The following ADAMTS12 variants were observed in gnomAD, a reference collection of about 807,000 sequenced individuals.
ADAMTS12 encodes the protein A disintegrin and metalloproteinase with thrombospondin motifs 12.
ADAMTS12 carries 118 observed loss-of-function variants against 167.8 expected under a neutral mutation model. The observed-to-expected ratio is 0.70, with a 90% CI of 0.61 to 0.82. The LOEUF (loss-of-function observed/expected upper bound fraction) is 0.82, where lower values mean the gene tolerates loss of function less well. ADAMTS12 is among the 40% of genes least tolerant of loss of function. The pLI, the probability that ADAMTS12 is intolerant of heterozygous loss-of-function variation, is 0.00. For synonymous variants in ADAMTS12, 704 were observed against 716.9 expected (o/e 0.98, Z 0.29); for missense variants, 1,916 against 1,998.8 (o/e 0.96, Z 0.79).
rs981087491 is a variant in ADAMTS12, at chr5:33,609,882, T to C, written c.2527+4356A>G. On this transcript the variant is annotated intron_variant, in intron 16 of 23. Transcript: ENST00000504830. ...AGTAGCCATCTGAAAAAATAATACA[T>C]ATAAATTGAAAAACAGGCCAGGCAT... Among the ~76,000 whole-genome samples, 13 of 152,232 alleles carry C rather than the reference T, an allele frequency of 8.5e-5. No individual in the cohort carries two copies. The South Asian group carries it at 1.5e-3, about 17-fold the overall frequency.
chr5:33,654,874 T>TTGTGTGTG (rs34219097), intron 7 of ADAMTS12, among the ~76,000 whole-genome samples: 6,407 of 141,582 alleles, frequency 0.045, 190 homozygotes, highest in Non-Finnish European at 0.057. Context: ...GTGGGTGATT[T>TTGTGTGTG]TGTGTGTGTG....
intron 2 of ADAMTS12, among the ~76,000 whole-genome samples, chr5:33,856,546 C>T (rs777363995): frequency 4.6e-5 from 7 of 151,232 alleles, no homozygotes; most frequent in Non-Finnish European, 8.8e-5. Flanking sequence ...CACTTGAGCC[C>T]AAGAGTTCAA....
intron 2 of ADAMTS12, among the ~76,000 whole-genome samples, chr5:33,758,550 G>A (rs536744739): frequency 4.6e-5 from 7 of 152,286 alleles, no homozygotes; most frequent in South Asian, 2.1e-4. Context: ...GTGGATTCGC[G>A]CAAGGGGGTA....
chr5:33,617,216 CTTT>C (rs71600917), intron 14 of ADAMTS12, among the ~76,000 whole-genome samples: 1,547 of 144,786 alleles, frequency 0.011, 18 homozygotes, highest in African/African-American at 0.034. Context: ...GTTCTTTCAA[CTTT>C]TTTTTTTTTT....
intron 5 of ADAMTS12, among the ~76,000 whole-genome samples, chr5:33,675,408 A>G (rs1741869329): frequency 6.6e-6 from 1 of 152,246 alleles, no homozygotes; most frequent in South Asian, 2.1e-4. Context: ...AAATCTCAAC[A>G]TAGGAGATTC....
At position 33,648,882 on chromosome 5, in the gene ADAMTS12, A is replaced by G. The variant is rs200288263; in HGVS notation, c.1419T>C (p.Asp473=). Residue 473 remains aspartate (D), a synonymous_variant, in exon 9 of 24, where the codon GAT becomes GAC. Coordinates refer to ENST00000504830, the MANE Select transcript of ADAMTS12 (RefSeq NM_030955.4). ...ATTGTAGCTGGCACTGGTGGTGAAC[A>G]TCATAGATCACTCCGGGGGCAATGA... ...SKVIAPGVIY[D]VHHQCQLQYG... 6.2e-6 allele frequency: 10 copies of G among 1,613,894 alleles called. No individual in the cohort carries two copies. The Admixed American group carries it at 1.2e-4, about 19-fold the overall frequency.
intron 2 of ADAMTS12, among the ~76,000 whole-genome samples, chr5:33,819,028 A>G (rs993908738): frequency 2.6e-5 from 4 of 151,974 alleles, no homozygotes; most frequent in South Asian, 2.1e-4. Context: ...TTTTCCCAGT[A>G]TGTAGGTTGC....
intron 5 of ADAMTS12, among the ~76,000 whole-genome samples, chr5:33,673,583 C>T (rs1741797414): frequency 6.6e-6 from 1 of 152,120 alleles, no homozygotes; most frequent in Non-Finnish European, 1.5e-5. Flanking sequence ...TAGCCCAAAC[C>T]TTCATTTTAT....
chr5:33,830,526 C>A (rs768493779), intron 2 of ADAMTS12, among the ~76,000 whole-genome samples: 1 of 152,144 alleles, frequency 6.6e-6, no homozygotes, highest in African/African-American at 2.4e-5. Flanking sequence ...TAGTGACTCA[C>A]GCCTGTAATC....
At chr5:33,823,166 A>G (rs1747926777) in intron 2 of ADAMTS12, among the ~76,000 whole-genome samples, 1 of 152,048 alleles carries the variant, frequency 6.6e-6, no homozygotes, top group Non-Finnish European at 1.5e-5. Context: ...TGCCCATAAT[A>G]TTGACTGCAT....
intron 2 of ADAMTS12, among the ~76,000 whole-genome samples, chr5:33,866,747 A>C (rs987077083): frequency 1.4e-4 from 22 of 152,098 alleles, no homozygotes; most frequent in Non-Finnish European, 2.2e-4. Flanking sequence ...AAAAATCAGC[A>C]AGAAAAAAAG....
intron 16 of ADAMTS12, among the ~76,000 whole-genome samples, chr5:33,604,144 A>C (rs12653881): frequency 1.3e-5 from 2 of 152,028 alleles, no homozygotes; most frequent in Non-Finnish European, 2.9e-5. Flanking sequence ...ATATAAAACA[A>C]GATCATCTCA....
intron 3 of ADAMTS12, among the ~76,000 whole-genome samples, chr5:33,740,265 T>C (rs965041571): frequency 1.3e-5 from 2 of 152,244 alleles, no homozygotes; most frequent in South Asian, 4.1e-4. Flanking sequence ...GCTTTTCATC[T>C]ATAGCAAATA....
At position 33,529,515 on chromosome 5, in the gene ADAMTS12, A is replaced by T. The variant is rs117358454; in HGVS notation, c.4607-2149T>A. Among the ~76,000 whole-genome samples the T allele has an allele frequency of 3.3e-4, 51 of 152,324 alleles. No homozygotes were observed. The East Asian group carries it at 7.5e-3, about 22-fold the overall frequency. The stretch of plus-strand genomic sequence containing the variant: ...TAGTTCTGAAGAAAAGCACTTTCAT[A>T]AACAGGCCGCTGTCCTTTGTAAAGG... On this transcript the variant is annotated intron_variant, in intron 23 of 23. Transcript: ENST00000504830.
At chr5:33,832,395 AG>A (rs1044846385) in intron 2 of ADAMTS12, among the ~76,000 whole-genome samples, 6 of 152,122 alleles carry the variant, frequency 3.9e-5, no homozygotes, top group Non-Finnish European at 5.9e-5. Context: ...ACATTTTGTG[AG>A]GAAAAAAAAA....
chr5:33,766,260 C>G (rs959408213), intron 2 of ADAMTS12, among the ~76,000 whole-genome samples: 3 of 152,124 alleles, frequency 2.0e-5, no homozygotes, highest in Non-Finnish European at 4.4e-5. Context: ...TACATGTGCC[C>G]TAGATATGAC....
At position 33,882,594 on chromosome 5, in the gene ADAMTS12, T is replaced by A. The variant is rs956502503; in HGVS notation, c.128-1114A>T. 2.6e-5 allele frequency among the ~76,000 whole-genome samples: 4 copies of A among 152,162 alleles called. No individual in the cohort carries two copies. In the South Asian group the frequency reaches 8.3e-4, roughly 32 times the overall value. On this transcript the variant is annotated intron_variant, in intron 1 of 23. Transcript: ENST00000504830. ...TTTTTGTTGTTTTGTTTTGTTTTGT[T>A]TTGTATTGTTTTTTGAGACAGATTT...
chr5:33,561,232 A>G (rs914947991), intron 19 of ADAMTS12, 53 bp from the exon 20 acceptor site: 96 of 1,588,778 alleles, frequency 6.0e-5, no homozygotes, highest in Non-Finnish European at 7.8e-5. Flanking sequence ...CTTCTCACAC[A>G]TGCCCCATCA....
chr5:33,538,794 C>G (rs550293956), intron 22 of ADAMTS12, among the ~76,000 whole-genome samples: 9 of 152,294 alleles, frequency 5.9e-5, no homozygotes, highest in African/African-American at 2.2e-4. Context: ...TCCTTCTTCT[C>G]TGCCTCCTTT....
Sources: allele counts gnomAD v4.1 joint callset (sites outside exome capture counted in the v4.1 genomes callset), GRCh38; gene constraint gnomAD v4.1.1; transcripts MANE v1.5; gene names NCBI Gene and HGNC (gene_info 2026-07-23, HGNC 2026-07-21).